The following ARHGEF1 variants were observed in gnomAD, a reference collection of about 807,000 sequenced individuals.
ARHGEF1 encodes the protein 115 kDa guanine nucleotide exchange factor.
A neutral mutation model predicts 119.7 loss-of-function variants in ARHGEF1; 40 were observed. The ratio of observed to expected loss-of-function variants is 0.33; its 90% CI spans 0.26 to 0.44. The LOEUF is 0.44. Ranked by LOEUF, ARHGEF1 falls within the 20% of genes least tolerant of loss-of-function variation. The pLI, the probability that ARHGEF1 is intolerant of heterozygous loss-of-function variation, is 1.00. For missense variants in ARHGEF1, 976 were observed against 1,268.3 expected, an observed-to-expected ratio of 0.77 and a Z score of 3.50; for synonymous variants, 494 against 521.0, an observed-to-expected ratio of 0.95 and a Z score of 0.71.
intron 13 of ARHGEF1, chr19:41,896,863 A>G (rs114173339): frequency 1.4e-5 from 1 of 69,320 alleles, no homozygotes; most frequent in Non-Finnish European, 2.9e-5. Context: ...TCTCTCACCT[A>G]CCCCCTCCTC....
rs2074640790 is a variant in ARHGEF1 at position 41,903,624 on chromosome 19, G to T, written c.1840-83G>T. ...CTTGCCCGCATCAGAAGTTGGTCTT[G>T]GCTCTCATCTTACCAATGTGGGTCA... On this transcript the variant is annotated intron_variant, in intron 19 of 28. Transcript: ENST00000354532. This position sits in a 1 kb window ranked among gnomAD's most constrained non-coding sequence, Gnocchi z 4.2. The T allele has an allele frequency of 2.0e-6, 3 of 1,466,880 alleles. No individual in the cohort carries two copies. The highest frequency in any genetic ancestry group is 2.8e-6 in the Non-Finnish European group (3 of 1,062,020). 90.9% of individuals were successfully genotyped at this position (1,466,880 alleles called of 1,614,324 possible). A position where few individuals can be genotyped will look rare whatever the true frequency, so the allele number is the denominator to read the frequency against.
In ARHGEF1 at chr19:41,883,982, G is replaced by A. The variant is rs1388245419; in HGVS notation, c.-20+693G>A. On this transcript the variant is annotated intron_variant, in intron 1 of 28. Transcript: ENST00000354532. The surrounding 1 kb of genome is among the most constrained non-coding windows in gnomAD (Gnocchi z 7.6). ...TGGAACTCAAGACTATTGCTTTTCC[G>A]GTTCCAAAGGAAGGGGCTGGGGGTG... Among the ~76,000 whole-genome samples the A allele has an allele frequency of 5.9e-5, 9 of 152,174 alleles. No homozygotes were observed. Among genetic ancestry groups the A allele is most frequent in the African/African-American group, 1.9e-4 (8 of 41,436 alleles).
At chr19:41,900,258 C>A (rs1338781820) in intron 14 of ARHGEF1, among the ~76,000 whole-genome samples, 1 of 152,038 alleles carries the variant, frequency 6.6e-6, no homozygotes, top group Non-Finnish European at 1.5e-5. Flanking sequence ...TGCTTGAACC[C>A]AGGAAGCAGG....
chr19:41,911,964 A>C (rs533168092), downstream of ARHGEF1, among the ~76,000 whole-genome samples: 4 of 151,838 alleles, frequency 2.6e-5, no homozygotes, highest in Non-Finnish European at 4.4e-5. Flanking sequence ...ACAGAGGCCC[A>C]GGGATGCATC....
chr19:41,923,034 G>A (rs2074851231), upstream of ARHGEF1: 1 of 407,262 alleles, frequency 2.5e-6, no homozygotes, highest in African/African-American at 2.1e-5. Flanking sequence ...GGGGGCTGGG[G>A]GAACCCACAG....
chr19:41,895,618 T>A (rs544707352), intron 12 of ARHGEF1, 132 bp downstream of exon 12: 1 of 977,262 alleles, frequency 1.0e-6, no homozygotes, highest in Non-Finnish European at 1.5e-6. Flanking sequence ...CATCCACTTC[T>A]CCCTGCTCCT....
At chr19:41,920,661 A>C (rs1231503248), upstream of ARHGEF1, among the ~76,000 whole-genome samples, 2 of 152,250 alleles carry the variant, frequency 1.3e-5, no homozygotes, top group African/African-American at 4.8e-5. Flanking sequence ...ATGTCTACAC[A>C]GATCACATTC....
chr19:41,915,317 T>A (rs955728678), intron 18 of ARHGEF1, among the ~76,000 whole-genome samples: 1 of 151,614 alleles, frequency 6.6e-6, no homozygotes. Context: ...TCGCAGTCTC[T>A]GTGCCCAGCC....
chr19:41,902,851 G>A lies in ARHGEF1; in HGVS notation c.1691G>A (p.Arg564Gln). ...GACATGATCCCCACGGAGATGCAGCGGCTGACCAAGTACCCCCTGCTCCTG... is the reference window on the plus strand; with the variant it reads ...GACATGATCCCCACGGAGATGCAGCAGCTGACCAAGTACCCCCTGCTCCTG... Reference protein sequence around the residue: ...LKDMIPTEMQRLTKYPLLLQS... With the variant: ...LKDMIPTEMQQLTKYPLLLQS... The change falls in exon 18 of 29, where the codon CGG (arginine) becomes CAG (glutamine). Residue 564 changes from arginine (R) to glutamine (Q), a missense_variant. Physicochemically the swap from Arg to Gln is conservative, Grantham distance 43 (BLOSUM62 1). Transcript: ENST00000354532. This position sits in a 1 kb window ranked among gnomAD's most constrained non-coding sequence, Gnocchi z 6.5. The A allele has an allele frequency of 6.2e-7, 1 of 1,613,202 alleles. No individual in the cohort carries two copies. Among genetic ancestry groups the A allele is most frequent in the Non-Finnish European group, 8.5e-7 (1 of 1,179,962 alleles).
At chr19:41,895,520 C>T (rs782765508) in intron 12 of ARHGEF1, 34 bp downstream of exon 12, 36 of 1,560,164 alleles carry the variant, frequency 2.3e-5, no homozygotes, top group South Asian at 9.0e-5. Flanking sequence ...TCCATGAGGC[C>T]CGGCGATCCA....
Position 41,892,470 on chromosome 19 carries a change from GA to G in ARHGEF1, c.367+98del. 6.3e-7 allele frequency: 1 copy of G among 1,597,856 alleles called. No homozygotes were observed. Among genetic ancestry groups the G allele is most frequent in the Non-Finnish European group, 8.6e-7 (1 of 1,168,314 alleles). ...AGGCCGCACTCCCATGCTCTGCTCGGACAGCCGAGATTCATTCATTCCTTCT... is the reference window on the plus strand; with the variant it reads ...AGGCCGCACTCCCATGCTCTGCTCGGCAGCCGAGATTCATTCATTCCTTCT... On this transcript the variant is annotated intron_variant, in intron 6 of 28. Coordinates refer to ENST00000354532, the MANE Select transcript of ARHGEF1 (RefSeq NM_004706.4). This position sits in a 1 kb window ranked among gnomAD's most constrained non-coding sequence, Gnocchi z 6.3.
Position 41,906,207 on chromosome 19 carries a change from C to A in ARHGEF1, c.2491+182C>A. 4.5e-6 allele frequency: 3 copies of A among 670,740 alleles called. No homozygotes were observed. Among genetic ancestry groups the A allele is most frequent in the Non-Finnish European group, 5.1e-6 (2 of 391,848 alleles). 41.5% of individuals were successfully genotyped at this position (670,740 alleles called of 1,614,324 possible). A position where few individuals can be genotyped will look rare whatever the true frequency, so the allele number is the denominator to read the frequency against. On this transcript the variant is annotated intron_variant, in intron 26 of 28. Transcript: ENST00000354532. This position sits in a 1 kb window ranked among gnomAD's most constrained non-coding sequence, Gnocchi z 4.5. ...CACGTCCCTCTTCTGCAGCCACCAT[C>A]CCTTGCTTGATTCTATATTTAGCCT...
In ARHGEF1 at chr19:41,916,727, A is replaced by G. The variant is rs556001517; in HGVS notation, c.1866-6365A>G. On this transcript the variant is annotated intron_variant, in intron 18 of 20. Coordinates refer to the ARHGEF1 transcript ENST00000599589. The surrounding 1 kb of genome is among the most constrained non-coding windows in gnomAD (Gnocchi z 5.4). Reference sequence around the variant, plus strand: ...CTTGGTCACGCATGGAGCCGTAGAGATACACACACCAGCACCAACCCAGAC... The same window carrying G: ...CTTGGTCACGCATGGAGCCGTAGAGGTACACACACCAGCACCAACCCAGAC... Among the ~76,000 whole-genome samples, 3 of 151,968 alleles carry G rather than the reference A, an allele frequency of 2.0e-5. No homozygotes were observed. Among genetic ancestry groups the G allele is most frequent in the African/African-American group, 2.4e-5 (1 of 41,434 alleles).
chr19:41,921,664 G>A (rs2074842972), upstream of ARHGEF1, among the ~76,000 whole-genome samples: 1 of 152,246 alleles, frequency 6.6e-6, no homozygotes, highest in Admixed American at 6.5e-5. This position sits in a 1 kb window ranked among gnomAD's most constrained non-coding sequence, Gnocchi z 4.4. Context: ...AGAGGGCAGA[G>A]ATGCGGAAAA....
At chr19:41,915,282 G>A (rs999834582) in intron 18 of ARHGEF1, among the ~76,000 whole-genome samples, 7 of 151,346 alleles carry the variant, frequency 4.6e-5, no homozygotes, top group South Asian at 2.1e-4. Context: ...TCCCCCCGCC[G>A]TGTCTCACAC....
chr19:41,909,164 A>G (rs2074738332), downstream of ARHGEF1: 1 of 1,231,836 alleles, frequency 8.1e-7, no homozygotes, highest in Non-Finnish European at 1.0e-6. This position sits in a 1 kb window ranked among gnomAD's most constrained non-coding sequence, Gnocchi z 5.2. Flanking sequence ...GGCAGAGAAC[A>G]GGGTTTGCAG....
intron 1 of ARHGEF1, chr19:41,884,500 G>T: frequency 4.4e-6 from 7 of 1,607,098 alleles, no homozygotes; most frequent in Non-Finnish European, 5.9e-6. Flanking sequence ...GCAGGTGAGG[G>T]ACGCGGTCCC....
chr19:41,908,295 C>T, downstream of ARHGEF1: 1 of 1,231,572 alleles, frequency 8.1e-7, no homozygotes, highest in South Asian at 4.1e-5. This position sits in a 1 kb window ranked among gnomAD's most constrained non-coding sequence, Gnocchi z 6.7. Flanking sequence ...ATCGCCCTCG[C>T]TGTCAGAGCT....
chr19:41,892,070 G>A lies in ARHGEF1; in HGVS notation c.271G>A (p.Glu91Lys). Reference sequence around the variant, plus strand: ...CATGCTGGGCTCACTGGGCCCCAAGGAGGCCAAGAAGGCCTTCCTGGACTT... The same window carrying A: ...CATGCTGGGCTCACTGGGCCCCAAGAAGGCCAAGAAGGCCTTCCTGGACTT... ...ADMLGSLGPK[E>K]AKKAFLDFYH... The change falls in exon 5 of 29, where the codon GAG becomes AAG. Residue 91 changes from glutamate (E) to lysine (K), a missense_variant. Around this residue, in one of 3 missense-constraint regions of ARHGEF1, gnomAD observed 519 missense variants for 580.9 expected, o/e 0.89. Transcript: ENST00000354532. The surrounding 1 kb of genome is among the most constrained non-coding windows in gnomAD (Gnocchi z 6.3). 1 of 1,613,262 alleles carries A rather than the reference G, an allele frequency of 6.2e-7. No homozygotes were observed. The highest frequency in any genetic ancestry group is 1.1e-5 in the South Asian group (1 of 91,008).
Sources: gnomAD v4.1 joint callset for allele counts (sites outside exome capture counted in the v4.1 genomes callset) on GRCh38, gnomAD v4.1.1 for gene constraint, gnomAD v4.1.1 regional missense constraint, Gnocchi (gnomAD v3.1) non-coding constraint, MANE v1.5 for transcripts, NCBI Gene and HGNC (gene_info 2026-07-23, HGNC 2026-07-21) for gene names.